MBNL1: variants seen among roughly 807,000 people sequenced by gnomAD.
MBNL1 encodes muscleblind like splicing regulator 1.
MBNL1 carries 8 observed loss-of-function variants against 42.2 expected under a neutral mutation model. The ratio of observed to expected loss-of-function variants is 0.19; its 90% CI spans 0.11 to 0.34. The LOEUF (loss-of-function observed/expected upper bound fraction) is 0.34. MBNL1 is among the 10% of genes least tolerant of loss of function. MBNL1 has a pLI of 1.00. For synonymous variants in MBNL1, 169 were observed against 173.9 expected (o/e 0.97, Z 0.22); for missense variants, 309 against 495.3 (o/e 0.62, Z 3.57).
At chr3:152,428,368 G>A (rs1354445520) in intron 3 of MBNL1, among the ~76,000 whole-genome samples, 1 of 152,120 alleles carries the variant, frequency 6.6e-6, no homozygotes, top group East Asian at 1.9e-4. Context: ...GAGATATTCA[G>A]GTAAACACTG....
chr3:152,305,549 T>C (rs2062668596), intron 2 of MBNL1, among the ~76,000 whole-genome samples: 1 of 152,012 alleles, frequency 6.6e-6, no homozygotes, highest in African/African-American at 2.4e-5. Context: ...AGGTGAGCAA[T>C]TTTCCATGTT....
intron 3 of MBNL1, among the ~76,000 whole-genome samples, chr3:152,420,289 A>G (rs2098782216): frequency 6.6e-6 from 1 of 152,188 alleles, no homozygotes; most frequent in African/African-American, 2.4e-5. Context: ...TGCCTCCTCA[A>G]GTGGATCCCT....
At chr3:152,258,250 G>GT (rs1420523356) in intron 2 of MBNL1, among the ~76,000 whole-genome samples, 1 of 152,176 alleles carries the variant, frequency 6.6e-6, no homozygotes, top group African/African-American at 2.4e-5. Context: ...GAAAATAGCT[G>GT]TAATTTATCA....
chr3:152,442,260 C>T (rs1246680581), intron 4 of MBNL1, among the ~76,000 whole-genome samples: 1 of 152,064 alleles, frequency 6.6e-6, no homozygotes, highest in Non-Finnish European at 1.5e-5. Flanking sequence ...AAAAGAGTTA[C>T]CTGTATTATG....
At chr3:152,400,009 C>G (rs1460514437) in intron 2 of MBNL1, among the ~76,000 whole-genome samples, 1 of 152,200 alleles carries the variant, frequency 6.6e-6, no homozygotes, top group Non-Finnish European at 1.5e-5. Context: ...ACTAGTACTT[C>G]CTAACTTCAT....
chr3:152,361,153 C>A (rs531260522), intron 2 of MBNL1, among the ~76,000 whole-genome samples: 1 of 151,968 alleles, frequency 6.6e-6, no homozygotes, highest in African/African-American at 2.4e-5. Flanking sequence ...ATCATTGATT[C>A]GTTCAGTCAC....
chr3:152,297,781 T>A (rs1175350206), intron 1 of MBNL1, among the ~76,000 whole-genome samples: 1 of 152,022 alleles, frequency 6.6e-6, no homozygotes, highest in Non-Finnish European at 1.5e-5. Context: ...CTCAGCCTCC[T>A]GAGTAGCTGG....
intron 2 of MBNL1, among the ~76,000 whole-genome samples, chr3:152,342,485 G>A (rs1422182593): frequency 2.0e-5 from 3 of 151,306 alleles, no homozygotes; most frequent in Non-Finnish European, 4.4e-5. Context: ...TGTTTCCAGG[G>A]TCACACAACT....
intron 2 of MBNL1, among the ~76,000 whole-genome samples, chr3:152,250,557 G>A (rs1456850081): frequency 1.7e-4 from 26 of 151,932 alleles, no homozygotes; most frequent in African/African-American, 4.6e-4. Context: ...CAATCAAGTC[G>A]TCTGCAAACA....
intron 2 of MBNL1, among the ~76,000 whole-genome samples, chr3:152,316,650 A>G (rs953036003): frequency 3.3e-5 from 5 of 152,106 alleles, no homozygotes; most frequent in African/African-American, 1.2e-4. Context: ...GCAGATATAT[A>G]TTTTAAAAGC....
At chr3:152,282,159 A>G (rs1301493316) in intron 1 of MBNL1, among the ~76,000 whole-genome samples, 4 of 152,188 alleles carry the variant, frequency 2.6e-5, no homozygotes, top group African/African-American at 9.7e-5. Context: ...ATTGAATACA[A>G]GTATGGGCTT....
intron 4 of MBNL1, among the ~76,000 whole-genome samples, chr3:152,434,516 G>A (rs1333831171): frequency 3.9e-5 from 6 of 152,284 alleles, no homozygotes; most frequent in South Asian, 2.1e-4. Context: ...GTGAATACAC[G>A]TGTGTGTCTT....
At chr3:152,281,290 T>C (rs1327022510) in intron 1 of MBNL1, among the ~76,000 whole-genome samples, 1 of 152,102 alleles carries the variant, frequency 6.6e-6, no homozygotes, top group Admixed American at 6.6e-5. Flanking sequence ...CCAGGAGTTT[T>C]GCTGTTTTTC....
chr3:152,370,273 C>T (rs897971921), intron 2 of MBNL1, among the ~76,000 whole-genome samples: 1 of 152,158 alleles, frequency 6.6e-6, no homozygotes, highest in Non-Finnish European at 1.5e-5. Flanking sequence ...AGTAGTCATT[C>T]AGGAGCAGGT....
At chr3:152,352,284 T>C (rs1278985796) in intron 2 of MBNL1, among the ~76,000 whole-genome samples, 2 of 152,220 alleles carry the variant, frequency 1.3e-5, no homozygotes, top group African/African-American at 4.8e-5. Flanking sequence ...TTAAAAATTA[T>C]TACTATCACT....
intron 2 of MBNL1, among the ~76,000 whole-genome samples, chr3:152,413,484 C>T (rs879437934): frequency 6.6e-6 from 1 of 152,194 alleles, no homozygotes; most frequent in Non-Finnish European, 1.5e-5. Context: ...CCACTGTCCC[C>T]TGCTGCCTAC....
intron 3 of MBNL1, among the ~76,000 whole-genome samples, chr3:152,425,880 A>G (rs1482699512): frequency 1.3e-5 from 2 of 152,238 alleles, no homozygotes; most frequent in Non-Finnish European, 2.9e-5. Flanking sequence ...TCATTCTACT[A>G]TAAAGACACA....
intron 3 of MBNL1, among the ~76,000 whole-genome samples, chr3:152,416,060 G>A (rs537957622): frequency 5.9e-5 from 9 of 152,190 alleles, no homozygotes; most frequent in Non-Finnish European, 1.0e-4. Context: ...TCATGGGAAT[G>A]TGAAGACCCA....
chr3:152,289,947 T>C (rs2054898503), intron 1 of MBNL1, among the ~76,000 whole-genome samples: 3 of 151,970 alleles, frequency 2.0e-5, no homozygotes, highest in East Asian at 3.8e-4. Context: ...TCCATACTCA[T>C]TCGTCATTGG....
Sources: gnomAD v4.1 joint callset for allele counts (sites outside exome capture counted in the v4.1 genomes callset) on GRCh38, gnomAD v4.1.1 for gene constraint, MANE v1.5 for transcripts, NCBI Gene and HGNC (gene_info 2026-07-23, HGNC 2026-07-21) for gene names.